The following TSG101 variants were observed in gnomAD, a reference collection of about 807,000 sequenced individuals.
TSG101 encodes the protein tumor susceptibility gene 101 protein.
Under a neutral mutation model 48.5 loss-of-function variants are expected in TSG101, and 19 were observed. The ratio of observed to expected loss-of-function variants is 0.39; its 90% CI spans 0.27 to 0.58. The LOEUF is 0.58. TSG101 is among the 20% of genes least tolerant of loss of function. The probability of loss-of-function intolerance (pLI) is 0.55; values close to 1 mark genes in which losing one functional copy is unlikely to be tolerated. For missense variants in TSG101, 365 were observed against 484.4 expected (o/e 0.75, Z 2.31); for synonymous variants, 174 against 169.4 (o/e 1.03, Z -0.21).
At position 18,509,375 on chromosome 11, in the gene TSG101, G is replaced by C. The variant is rs1324720964; in HGVS notation, c.481+167C>G. On this transcript the variant is annotated intron_variant, in intron 5 of 9. Coordinates refer to ENST00000251968, the MANE Select transcript of TSG101 (RefSeq NM_006292.4). Reference sequence around the variant, plus strand: ...ATGGAAGCCCAAATGCCAGTCTTTGGTGGGAATCTGTACATGCAGATGTGG... The same window carrying C: ...ATGGAAGCCCAAATGCCAGTCTTTGCTGGGAATCTGTACATGCAGATGTGG... 2.0e-5 allele frequency among the ~76,000 whole-genome samples: 3 copies of C among 152,170 alleles called. No homozygotes were observed. The East Asian group carries it at 5.8e-4, about 29-fold the overall frequency.
intron 6 of TSG101, among the ~76,000 whole-genome samples, chr11:18,504,442 G>C (rs941960992): frequency 1.3e-5 from 2 of 151,724 alleles, no homozygotes; most frequent in African/African-American, 4.8e-5. Context: ...AAAAAAGAAA[G>C]CATTTTTGTT....
chr11:18,486,508 C>T (rs1377554933), intron 7 of TSG101, among the ~76,000 whole-genome samples: 3 of 152,142 alleles, frequency 2.0e-5, no homozygotes, highest in African/African-American at 7.2e-5. Context: ...CCAAAAGACA[C>T]ATGAAAAAAT....
chr11:18,509,525 A>G lies in TSG101; in HGVS notation c.481+17T>C. The G allele has an allele frequency of 6.2e-7, 1 of 1,606,640 alleles. No individual in the cohort carries two copies. The highest frequency in any genetic ancestry group is 8.5e-7 in the Non-Finnish European group (1 of 1,177,716). On this transcript the variant is annotated intron_variant, in intron 5 of 9. Coordinates refer to ENST00000251968, the MANE Select transcript of TSG101 (RefSeq NM_006292.4). ...TTGTTTATATGAGTTTTAAAGTAAA[A>G]TCTCAATTCTACTTACTATTTGGTG...
At chr11:18,502,326 T>A (rs944737883) in intron 7 of TSG101, among the ~76,000 whole-genome samples, 160 bp downstream of exon 7, 3 of 152,246 alleles carry the variant, frequency 2.0e-5, no homozygotes, top group Admixed American at 2.0e-4. Context: ...TTCATTTATA[T>A]GTTAAGTCAT....
intron 1 of TSG101, among the ~76,000 whole-genome samples, chr11:18,521,431 TG>T (rs1325066743): frequency 6.9e-6 from 1 of 145,718 alleles, no homozygotes; most frequent in African/African-American, 2.5e-5. Context: ...TGCAGTGGTA[TG>T]ATCATGGCTC....
At chr11:18,520,370 T>G (rs1332569530) in intron 1 of TSG101, among the ~76,000 whole-genome samples, 1 of 152,126 alleles carries the variant, frequency 6.6e-6, no homozygotes, top group East Asian at 1.9e-4. Flanking sequence ...ACTACAGGCA[T>G]GTGCCATCAT....
At chr11:18,496,096 G>A (rs902666041) in intron 7 of TSG101, among the ~76,000 whole-genome samples, 1 of 152,084 alleles carries the variant, frequency 6.6e-6, no homozygotes, top group African/African-American at 2.4e-5. Flanking sequence ...TCTCTTCTGG[G>A]TACCATACTA....
intron 2 of TSG101, among the ~76,000 whole-genome samples, chr11:18,517,605 T>C (rs1026366073): frequency 1.8e-4 from 28 of 152,216 alleles, no homozygotes; most frequent in African/African-American, 6.8e-4. Flanking sequence ...TACGGTTAGA[T>C]ACATAAATAC....
At chr11:18,507,544 C>G (rs1004169537) in intron 5 of TSG101, 1 of 152,126 alleles carries the variant, frequency 6.6e-6, no homozygotes, top group African/African-American at 2.4e-5. Context: ...ATACTTTATA[C>G]ATTCTTTAAA....
intron 2 of TSG101, among the ~76,000 whole-genome samples, chr11:18,516,470 G>C (rs898030083): frequency 6.6e-6 from 1 of 151,418 alleles, no homozygotes; most frequent in African/African-American, 2.4e-5. Context: ...TCAGCATCCC[G>C]AGTAGTTGGG....
intron 2 of TSG101, among the ~76,000 whole-genome samples, chr11:18,517,785 A>G (rs1387208546): frequency 2.0e-5 from 3 of 152,190 alleles, no homozygotes; most frequent in Non-Finnish European, 4.4e-5. Flanking sequence ...TTCTCAGACC[A>G]TATCTCTATC....
intron 2 of TSG101, among the ~76,000 whole-genome samples, chr11:18,518,905 T>A (rs1394137364): frequency 6.6e-6 from 1 of 152,200 alleles, no homozygotes; most frequent in Non-Finnish European, 1.5e-5. Flanking sequence ...GTTCCCAGCA[T>A]AACTAAGGGT....
At chr11:18,524,769 A>T (rs1268947771) in intron 1 of TSG101, among the ~76,000 whole-genome samples, 1 of 152,176 alleles carries the variant, frequency 6.6e-6, no homozygotes, top group African/African-American at 2.4e-5. Flanking sequence ...GGTATAAAAT[A>T]TCTTCTGAAC....
At position 18,499,403 on chromosome 11, in the gene TSG101, T is replaced by TATATATATATATATATATATA. The variant is rs1554970813; in HGVS notation, c.640+3082_640+3083insTATATATATATATATATATAT. ...TTAAATATATATATATATATATATA[T>TATATATATATATATATATATA]TTTTTTTTTTTTTTTTTTTTTTCCT... On this transcript the variant is annotated intron_variant, in intron 7 of 9. Coordinates refer to ENST00000251968, the MANE Select transcript of TSG101 (RefSeq NM_006292.4). Among the ~76,000 whole-genome samples, 15 of 6,830 alleles carry TATATATATATATATATATATA rather than the reference T, an allele frequency of 2.2e-3. 1 individual carries two copies. The highest frequency in any genetic ancestry group is 3.4e-3 in the Non-Finnish European group (13 of 3,842). The allele number at this position is 6,830 out of a possible 152,430, so 4.5% of individuals were successfully genotyped here. A position where few individuals can be genotyped will look rare whatever the true frequency, so the allele number is the denominator to read the frequency against.
chr11:18,514,604 G>A, intron 4 of TSG101, 74 bp downstream of exon 4: 1 of 1,282,736 alleles, frequency 7.8e-7, no homozygotes, highest in Admixed American at 2.9e-5. Flanking sequence ...CTCCTTGAGT[G>A]CTAAAAGAAA....
At chr11:18,497,346 C>T (rs1423484419) in intron 7 of TSG101, among the ~76,000 whole-genome samples, 2 of 151,902 alleles carry the variant, frequency 1.3e-5, no homozygotes, top group Non-Finnish European at 2.9e-5. Context: ...GGTAGAAAAA[C>T]AATATATATT....
At chr11:18,482,164 T>G (rs759319077) in intron 8 of TSG101, among the ~76,000 whole-genome samples, 2 of 152,196 alleles carry the variant, frequency 1.3e-5, no homozygotes, top group Non-Finnish European at 2.9e-5. Context: ...TCAGACAAGA[T>G]ACTTTCCAGC....
chr11:18,488,573 C>T lies in TSG101; in HGVS notation c.641-4501G>A, dbSNP rs567229710. 3.2e-3 allele frequency among the ~76,000 whole-genome samples: 493 copies of T among 152,204 alleles called. 3 individuals carry two copies. The highest frequency in any genetic ancestry group is 5.2e-3 in the Non-Finnish European group (353 of 68,000). ...TTAAAAATACTTTTTTGATTCAGAT[C>T]CTGGTATGACTAAAGAGCAACACCG... On this transcript the variant is annotated intron_variant, in intron 7 of 9. Transcript: ENST00000251968.
intron 7 of TSG101, chr11:18,490,297 C>A: frequency 1.7e-6 from 1 of 578,530 alleles, no homozygotes; most frequent in South Asian, 1.4e-5. Flanking sequence ...CAGAGTAACA[C>A]TGTCCCAAGT....
Sources: gnomAD v4.1 joint callset for allele counts (sites outside exome capture counted in the v4.1 genomes callset) on GRCh38, gnomAD v4.1.1 for gene constraint, MANE v1.5 for transcripts, NCBI Gene and HGNC (gene_info 2026-07-23, HGNC 2026-07-21) for gene names.